The following GFRAL variants were observed in gnomAD, a reference collection of about 807,000 sequenced individuals.
GFRAL encodes the protein GDNF family receptor alpha-like.
In GFRAL, 36 loss-of-function variants were observed where a neutral mutation model predicts 45.4. The ratio of observed to expected loss-of-function variants is 0.79; its 90% CI spans 0.61 to 1.05. GFRAL has a LOEUF of 1.05. Among genes scored for constraint, GFRAL ranks in the 50% least tolerant of loss-of-function variants. GFRAL has a pLI of 0.00. For missense variants in GFRAL, 507 were observed against 467.5 expected (o/e 1.08, Z -0.78); for synonymous variants, 166 against 154.1 (o/e 1.08, Z -0.57).
intron 4 of GFRAL, 83 bp from the exon 5 acceptor site, chr6:55,351,170 A>G: frequency 1.0e-6 from 1 of 964,048 alleles, no homozygotes; most frequent in Non-Finnish European, 1.6e-6. Context: ...TTTTGCTCAT[A>G]GACTTCTCAC....
rs1562062157 is a variant in GFRAL at position 55,380,204 on chromosome 6, T to C, written c.953-18976T>C. Among the ~76,000 whole-genome samples the C allele has an allele frequency of 2.6e-5, 4 of 151,918 alleles. No individual in the cohort carries two copies. The South Asian group carries it at 8.3e-4, about 31-fold the overall frequency. On this transcript the variant is annotated intron_variant, in intron 6 of 8. Transcript: ENST00000340465. ...AATTTTTAGAGGAAACTTCATACTG[T>C]TTTCCATAATGGCTGCCCTAATTTA...
intron 6 of GFRAL, among the ~76,000 whole-genome samples, chr6:55,377,745 T>A (rs190484125): frequency 2.0e-5 from 3 of 152,196 alleles, no homozygotes; most frequent in Admixed American, 6.6e-5. Flanking sequence ...TATTTAATTA[T>A]CATTTGTACC....
At chr6:55,388,008 TTGGTGGTGTTTCGAGCCTC>T (rs1768701785) in intron 6 of GFRAL, among the ~76,000 whole-genome samples, 1 of 152,176 alleles carries the variant, frequency 6.6e-6, no homozygotes, top group Non-Finnish European at 1.5e-5. Context: ...ATGTGAGCCC[TTGGTGGTGTTTCGAGCCTC>T]TGTGACAGAC....
At position 55,401,994 on chromosome 6, in the gene GFRAL, G is replaced by A; in HGVS notation, c.*141G>A. The A allele has an allele frequency of 1.8e-6, 1 of 565,384 alleles. No individual in the cohort carries two copies. The highest frequency in any genetic ancestry group is 3.0e-6 in the Non-Finnish European group (1 of 331,940). 35.0% of individuals were successfully genotyped at this position (565,384 alleles called of 1,614,324 possible). A position where few individuals can be genotyped will look rare whatever the true frequency, so the allele number is the denominator to read the frequency against. ...TCTTTTTCTTTTTCTTTTCTTTTTT[G>A]TGGCGGAGTTTTGCTCTTGTTGCCC... On this transcript the variant is annotated 3_prime_UTR_variant, in exon 9 of 9. Transcript: ENST00000340465.
At chr6:55,366,160 T>A (rs1033663740) in intron 6 of GFRAL, among the ~76,000 whole-genome samples, 1 of 151,902 alleles carries the variant, frequency 6.6e-6, no homozygotes, top group African/African-American at 2.4e-5. Context: ...CTTCCTGGTT[T>A]AGTCTTGGGA....
intron 6 of GFRAL, among the ~76,000 whole-genome samples, chr6:55,391,307 C>T (rs1267028858): frequency 1.3e-5 from 2 of 152,078 alleles, no homozygotes; most frequent in African/African-American, 2.4e-5. Flanking sequence ...TTCATTTTTT[C>T]ATATTAAATA....
intron 6 of GFRAL, among the ~76,000 whole-genome samples, chr6:55,368,985 C>G (rs534885997): frequency 1.2e-4 from 19 of 152,022 alleles, no homozygotes; most frequent in East Asian, 5.8e-4. Context: ...TGGAGCTTCC[C>G]GGCTGCTTTG....
rs904272834 is a variant in GFRAL, at chr6:55,351,509, A to G, written c.627A>G (p.Thr209=). ...CCAAAGAAGCTCTTCACAGCAAGAC[A>G]TGTGCAGTGAACATGGTTCCACCCC... The part of the protein sequence containing the change: ...QQSKEALHSK[T]CAVNMVPPPT... Residue 209 remains threonine (T), a synonymous_variant, in exon 5 of 9, where the codon ACA becomes ACG. Coordinates refer to ENST00000340465, the MANE Select transcript of GFRAL (RefSeq NM_207410.2). 5 of 1,613,282 alleles carry G rather than the reference A, an allele frequency of 3.1e-6. No homozygotes were observed. The highest frequency in any genetic ancestry group is 1.7e-4 in the Middle Eastern group (1 of 6,050).
chr6:55,397,912 T>C (rs138936720), intron 6 of GFRAL, among the ~76,000 whole-genome samples: 128 of 152,338 alleles, frequency 8.4e-4, no homozygotes, highest in African/African-American at 3.0e-3. Flanking sequence ...TTTTCTATGT[T>C]TATATGCTTA....
At chr6:55,330,560 G>T (rs1305348298) in intron 1 of GFRAL, among the ~76,000 whole-genome samples, 1 of 152,064 alleles carries the variant, frequency 6.6e-6, no homozygotes, top group Non-Finnish European at 1.5e-5. Context: ...AACAAAAAGG[G>T]TTATTCCAGA....
chr6:55,369,192 G>A (rs373064691), intron 6 of GFRAL, among the ~76,000 whole-genome samples: 2 of 152,106 alleles, frequency 1.3e-5, no homozygotes, highest in South Asian at 2.1e-4. Context: ...TCGGGTGGGA[G>A]TGACCCGATT....
At chr6:55,395,781 GAA>G (rs34724941) in intron 6 of GFRAL, among the ~76,000 whole-genome samples, 1 of 137,402 alleles carries the variant, frequency 7.3e-6, no homozygotes. Context: ...AAGGATTTTG[GAA>G]AAAAAAAAAA....
chr6:55,397,373 C>CCGGGCGCAGTGG (rs1768840346), intron 6 of GFRAL, among the ~76,000 whole-genome samples: 1 of 147,350 alleles, frequency 6.8e-6, no homozygotes, highest in African/African-American at 2.5e-5. Flanking sequence ...AAAAAATTAG[C>CCGGGCGCAGTGG]CGGGCGCAGT....
intron 3 of GFRAL, among the ~76,000 whole-genome samples, chr6:55,334,300 A>G (rs1767866196): frequency 6.6e-6 from 1 of 152,220 alleles, no homozygotes; most frequent in Non-Finnish European, 1.5e-5. Context: ...GGCCTTGCAC[A>G]AAACCTAGAT....
At chr6:55,369,628 G>A (rs554440864) in intron 6 of GFRAL, among the ~76,000 whole-genome samples, 3 of 152,058 alleles carry the variant, frequency 2.0e-5, no homozygotes, top group Non-Finnish European at 4.4e-5. Context: ...CATTTGAATA[G>A]AGTAAGTTTC....
chr6:55,373,822 G>A (rs1047078870), intron 6 of GFRAL, among the ~76,000 whole-genome samples: 4 of 151,878 alleles, frequency 2.6e-5, no homozygotes, highest in Admixed American at 2.6e-4. Context: ...TGCCATAGTG[G>A]TTTGCTGCAC....
chr6:55,346,791 G>A (rs1028771432), intron 3 of GFRAL, among the ~76,000 whole-genome samples: 1 of 142,630 alleles, frequency 7.0e-6, no homozygotes, highest in Admixed American at 7.3e-5. Flanking sequence ...TTATCTTGGT[G>A]GAAATAACCT....
chr6:55,388,897 C>T (rs184527914), intron 6 of GFRAL, among the ~76,000 whole-genome samples: 3 of 152,204 alleles, frequency 2.0e-5, no homozygotes, highest in Non-Finnish European at 4.4e-5. Flanking sequence ...ACTCCCCAAC[C>T]TCTCCCTCTT....
intron 3 of GFRAL, among the ~76,000 whole-genome samples, chr6:55,344,215 G>A (rs1768008564): frequency 6.6e-6 from 1 of 152,102 alleles, no homozygotes; most frequent in Admixed American, 6.5e-5. Flanking sequence ...TGATAACAAA[G>A]CCTGGCAAAG....
Sources: allele counts gnomAD v4.1 joint callset (sites outside exome capture counted in the v4.1 genomes callset), GRCh38; gene constraint gnomAD v4.1.1; transcripts MANE v1.5; gene names NCBI Gene and HGNC (gene_info 2026-07-23, HGNC 2026-07-21).